UXS1: variants seen among roughly 807,000 people sequenced by gnomAD.
The protein encoded by UXS1 is UDP-glucuronic acid decarboxylase 1.
A neutral mutation model predicts 62.6 loss-of-function variants in UXS1; 33 were observed. That is an observed-to-expected ratio of 0.53 (90% confidence interval 0.40 to 0.70). UXS1 has a LOEUF of 0.70. Among genes scored for constraint, UXS1 ranks in the 30% least tolerant of loss-of-function variants. The probability of loss-of-function intolerance (pLI) is 0.00; values close to 1 mark genes in which losing one functional copy is unlikely to be tolerated. For synonymous variants in UXS1, 213 were observed against 206.8 expected, an observed-to-expected ratio of 1.03 and a Z score of -0.26; for missense variants, 434 against 556.3, an observed-to-expected ratio of 0.78 and a Z score of 2.21.
At chr2:106,129,252 G>A (rs1244215194) in intron 7 of UXS1, among the ~76,000 whole-genome samples, 2 of 152,184 alleles carry the variant, frequency 1.3e-5, no homozygotes, top group African/African-American at 4.8e-5. Context: ...ACCCCCGTGT[G>A]TAAGGCCATG....
At chr2:106,115,148 T>A (rs148876218) in intron 9 of UXS1, among the ~76,000 whole-genome samples, 4 of 152,270 alleles carry the variant, frequency 2.6e-5, no homozygotes, top group Admixed American at 6.5e-5. Context: ...GCAGTTCAGT[T>A]GCCACCCACA....
rs137892197 is a variant in UXS1, at chr2:106,158,174, T to G, written c.231-56A>C. ...AAGTCAAACATCTCATTTGAATATT[T>G]TCTCTGTCTACCATCAAAGCATGTG... On this transcript the variant is annotated intron_variant, in intron 4 of 14. Transcript: ENST00000283148. 4.8e-4 allele frequency: 676 copies of G among 1,422,678 alleles called. 3 individuals are homozygous for G. In the African/African-American group the frequency reaches 8.2e-3, roughly 17 times the overall value. 88.1% of individuals were successfully genotyped at this position (1,422,678 alleles called of 1,614,324 possible).
At chr2:106,097,539 G>A (rs772087772) in intron 13 of UXS1, 135 of 255,556 alleles carry the variant, frequency 5.3e-4, no homozygotes, top group Middle Eastern at 4.6e-3. Flanking sequence ...AAGCACAGCA[G>A]GGAAGCTGCA....
At chr2:106,179,001 G>A (rs1379441024) in intron 1 of UXS1, among the ~76,000 whole-genome samples, 3 of 150,762 alleles carry the variant, frequency 2.0e-5, no homozygotes, top group East Asian at 1.9e-4. Context: ...TGGGCTGGAC[G>A]GGGCACAGCT....
intron 9 of UXS1, among the ~76,000 whole-genome samples, chr2:106,119,596 C>T (rs987365960): frequency 2.0e-5 from 3 of 152,240 alleles, no homozygotes; most frequent in Non-Finnish European, 4.4e-5. Context: ...GACAGTGACA[C>T]ATCCAGAAAG....
chr2:106,147,965 A>T (rs1319218051), intron 5 of UXS1, among the ~76,000 whole-genome samples: 1 of 152,242 alleles, frequency 6.6e-6, no homozygotes, highest in Non-Finnish European at 1.5e-5. Context: ...AGGATGGGTG[A>T]GACCAGGCAT....
At chr2:106,154,550 C>T (rs997524195) in intron 5 of UXS1, among the ~76,000 whole-genome samples, 3 of 152,114 alleles carry the variant, frequency 2.0e-5, no homozygotes, top group Non-Finnish European at 4.4e-5. Context: ...GCTGGCAATA[C>T]GAGAAGCTGG....
intron 9 of UXS1, among the ~76,000 whole-genome samples, chr2:106,114,634 T>A (rs1157183253): frequency 6.6e-6 from 1 of 152,228 alleles, no homozygotes; most frequent in Non-Finnish European, 1.5e-5. Context: ...TGACGTTCCC[T>A]TTCCACAAAA....
At chr2:106,128,192 T>C (rs1193391148) in intron 7 of UXS1, among the ~76,000 whole-genome samples, 1 of 152,094 alleles carries the variant, frequency 6.6e-6, no homozygotes, top group African/African-American at 2.4e-5. Context: ...GGGTAGGCGC[T>C]TGTGATGGCA....
chr2:106,108,631 G>A (rs76816427), intron 10 of UXS1, among the ~76,000 whole-genome samples: 2,228 of 152,258 alleles, frequency 0.015, 27 homozygotes, highest in South Asian at 0.036. Flanking sequence ...CAGGAGATTC[G>A]TGCAAGAGTC....
intron 5 of UXS1, among the ~76,000 whole-genome samples, chr2:106,149,634 T>G (rs1159829792): frequency 6.6e-6 from 1 of 152,104 alleles, no homozygotes; most frequent in Non-Finnish European, 1.5e-5. Context: ...CCAATAAATT[T>G]GTTATAAATT....
chr2:106,193,207 CAG>C (rs1213513739), intron 1 of UXS1, among the ~76,000 whole-genome samples: 1 of 152,124 alleles, frequency 6.6e-6, no homozygotes, highest in Admixed American at 6.5e-5. Context: ...CCTCTGGAAT[CAG>C]ATCTTGGTAA....
chr2:106,168,330 T>A (rs919534453), intron 1 of UXS1, among the ~76,000 whole-genome samples: 1 of 152,192 alleles, frequency 6.6e-6, no homozygotes, highest in Non-Finnish European at 1.5e-5. Flanking sequence ...CATGGCAACG[T>A]CAGGAAGTTA....
chr2:106,124,649 A>C (rs1004669197), intron 8 of UXS1, among the ~76,000 whole-genome samples: 4 of 152,122 alleles, frequency 2.6e-5, no homozygotes, highest in Non-Finnish European at 4.4e-5. Flanking sequence ...TGAGTAGGGG[A>C]AGCAGGATGG....
intron 4 of UXS1, chr2:106,160,542 T>G (rs1420100576): frequency 6.6e-6 from 1 of 152,232 alleles, no homozygotes; most frequent in African/African-American, 2.4e-5. Context: ...GAAAACCAAT[T>G]CAGTGAGGAG....
chr2:106,096,033 G>C (rs974058813), intron 14 of UXS1, among the ~76,000 whole-genome samples: 1 of 152,188 alleles, frequency 6.6e-6, no homozygotes, highest in Non-Finnish European at 1.5e-5. Context: ...CTTCAGTCTC[G>C]CACGCTTCCA....
chr2:106,151,177 T>C (rs1236042026), intron 5 of UXS1, among the ~76,000 whole-genome samples: 1 of 152,208 alleles, frequency 6.6e-6, no homozygotes, highest in Non-Finnish European at 1.5e-5. Flanking sequence ...AAATGATGTT[T>C]AGATGAGACT....
intron 9 of UXS1, among the ~76,000 whole-genome samples, chr2:106,121,745 A>G (rs1679537546): frequency 1.3e-5 from 2 of 152,274 alleles, no homozygotes; most frequent in South Asian, 2.1e-4. Context: ...ATAAAGCAGA[A>G]AAGTTTAAAT....
intron 11 of UXS1, chr2:106,102,271 C>T (rs1432885581): frequency 1.3e-5 from 2 of 152,102 alleles, no homozygotes; most frequent in Non-Finnish European, 2.9e-5. Flanking sequence ...CAATAGTGCA[C>T]TCATGACATA....
Sources: gnomAD v4.1 joint callset for allele counts (sites outside exome capture counted in the v4.1 genomes callset) on GRCh38, gnomAD v4.1.1 for gene constraint, MANE v1.5 for transcripts, NCBI Gene and HGNC (gene_info 2026-07-23, HGNC 2026-07-21) for gene names.